Variants in BMERB1 observed in about 807,000 individuals in gnomAD.
BMERB1 encodes the protein bMERB domain containing 1.
In BMERB1, 12 loss-of-function variants were observed where a neutral mutation model predicts 23.6. The ratio of observed to expected loss-of-function variants is 0.51; its 90% CI spans 0.33 to 0.82. The LOEUF (loss-of-function observed/expected upper bound fraction) is 0.82, where lower values mean the gene tolerates loss of function less well. Among genes scored for constraint, BMERB1 ranks in the 40% least tolerant of loss-of-function variants. The probability of loss-of-function intolerance (pLI) is 0.03; values close to 1 mark genes in which losing one functional copy is unlikely to be tolerated. For missense variants in BMERB1, 247 were observed against 255.4 expected, an observed-to-expected ratio of 0.97 and a Z score of 0.22; for synonymous variants, 122 against 96.6, an observed-to-expected ratio of 1.26 and a Z score of -1.54.
intron 1 of BMERB1, among the ~76,000 whole-genome samples, chr16:15,488,375 T>C (rs2051385603): frequency 6.6e-6 from 1 of 152,134 alleles, no homozygotes; most frequent in Non-Finnish European, 1.5e-5. Flanking sequence ...GAGATGGCCT[T>C]GGGGCCATAT....
intron 1 of BMERB1, among the ~76,000 whole-genome samples, chr16:15,505,730 T>A (rs962896637): frequency 1.3e-5 from 2 of 151,554 alleles, no homozygotes; most frequent in African/African-American, 4.9e-5. Flanking sequence ...CTACTAAAAG[T>A]ACAAAAAATT....
chr16:15,578,117 CAGTAACA>C (rs1263705091), intron 3 of BMERB1, among the ~76,000 whole-genome samples: 1 of 152,216 alleles, frequency 6.6e-6, no homozygotes, highest in African/African-American at 2.4e-5. Flanking sequence ...CCTACTCTAA[CAGTAACA>C]CACACAATTC....
At chr16:15,496,535 C>G (rs561366572) in intron 1 of BMERB1, among the ~76,000 whole-genome samples, 19 of 151,666 alleles carry the variant, frequency 1.3e-4, no homozygotes, top group African/African-American at 4.4e-4. Flanking sequence ...ACCCACTTTA[C>G]AAGGGAAATT....
chr16:15,519,000 T>C (rs1303037390), intron 2 of BMERB1, among the ~76,000 whole-genome samples: 3 of 151,906 alleles, frequency 2.0e-5, no homozygotes, highest in Non-Finnish European at 4.4e-5. Flanking sequence ...TGCCTGGCAC[T>C]GAGTGTCATG....
rs57021793 is a variant in BMERB1, at chr16:15,512,012, CA to C, written c.107-3267del. ...TGGGCAACAGAGCAAGACTTGCTCT[CA>C]AAAAAAAAAAAAAAAAAAAAAAAAA... On this transcript the variant is annotated intron_variant, in intron 1 of 5. Transcript: ENST00000300006. 7.9e-4 allele frequency among the ~76,000 whole-genome samples: 48 copies of C among 61,126 alleles called. 1 individual carries two copies. The highest frequency in any genetic ancestry group is 2.2e-3 in the African/African-American group (38 of 17,168). 40.1% of individuals were successfully genotyped at this position (61,126 alleles called of 152,430 possible). A position where few individuals can be genotyped will look rare whatever the true frequency, so the allele number is the denominator to read the frequency against.
intron 2 of BMERB1, among the ~76,000 whole-genome samples, chr16:15,565,184 G>T (rs552963042): frequency 6.6e-6 from 1 of 152,262 alleles, no homozygotes; most frequent in Admixed American, 6.5e-5. Context: ...TGATGGAGAC[G>T]CTGAGGAACG....
At chr16:15,508,193 C>A (rs2051615394) in intron 1 of BMERB1, among the ~76,000 whole-genome samples, 1 of 152,122 alleles carries the variant, frequency 6.6e-6, no homozygotes, top group African/African-American at 2.4e-5. Context: ...AGGTAATGCA[C>A]AGGTGCTGGC....
chr16:15,529,171 C>CCCA (rs1367466294), intron 2 of BMERB1, among the ~76,000 whole-genome samples: 1 of 151,996 alleles, frequency 6.6e-6, no homozygotes, highest in Admixed American at 6.6e-5. Context: ...ACTACAGGCG[C>CCCA]CCACCACCAC....
At chr16:15,472,978 G>A (rs2051243020) in intron 1 of BMERB1, among the ~76,000 whole-genome samples, 2 of 150,696 alleles carry the variant, frequency 1.3e-5, no homozygotes, top group African/African-American at 4.9e-5. Context: ...TCATGCCTCA[G>A]CCTCCCAAGT....
intron 1 of BMERB1, among the ~76,000 whole-genome samples, chr16:15,490,395 G>C (rs7498370): frequency 6.6e-6 from 1 of 152,118 alleles, no homozygotes; most frequent in Admixed American, 6.5e-5. Context: ...TGATCCTCCT[G>C]CCTCAACCTT....
intron 1 of BMERB1, among the ~76,000 whole-genome samples, chr16:15,440,172 G>A (rs2050927256): frequency 6.7e-6 from 1 of 148,846 alleles, no homozygotes; most frequent in South Asian, 2.1e-4. Context: ...TTGTACTCAG[G>A]AGGCAGAGGT....
chr16:15,575,768 G>C (rs1222179093), intron 3 of BMERB1, among the ~76,000 whole-genome samples: 2 of 152,076 alleles, frequency 1.3e-5, no homozygotes, highest in Non-Finnish European at 2.9e-5. Flanking sequence ...TACACCCTAT[G>C]TAAATGAAGT....
intron 2 of BMERB1, among the ~76,000 whole-genome samples, chr16:15,542,723 C>A (rs2052098320): frequency 7.5e-6 from 1 of 132,644 alleles, no homozygotes; most frequent in Admixed American, 8.9e-5. Flanking sequence ...AATAACTGTT[C>A]AGTAAATGTT....
At chr16:15,437,372 G>A (rs2050897418) in intron 1 of BMERB1, among the ~76,000 whole-genome samples, 1 of 152,096 alleles carries the variant, frequency 6.6e-6, no homozygotes, top group Non-Finnish European at 1.5e-5. Flanking sequence ...TCTTTATTGT[G>A]TATACTAAAT....
At chr16:15,506,094 A>G (rs181751110) in intron 1 of BMERB1, among the ~76,000 whole-genome samples, 12 of 152,058 alleles carry the variant, frequency 7.9e-5, no homozygotes, top group Admixed American at 2.6e-4. Context: ...CACTGCCCCA[A>G]TTGCCCCTTA....
intron 2 of BMERB1, among the ~76,000 whole-genome samples, chr16:15,534,771 C>G (rs1054173551): frequency 6.6e-6 from 1 of 152,140 alleles, no homozygotes; most frequent in Non-Finnish European, 1.5e-5. Flanking sequence ...TCAGCTCCCT[C>G]CATTCCAAGG....
intron 2 of BMERB1, among the ~76,000 whole-genome samples, chr16:15,559,028 T>C (rs552798807): frequency 6.6e-6 from 1 of 150,898 alleles, no homozygotes; most frequent in South Asian, 2.2e-4. Context: ...TCTTAAAACT[T>C]ATATAGCTAA....
At chr16:15,471,389 C>T (rs2051227801) in intron 1 of BMERB1, among the ~76,000 whole-genome samples, 1 of 152,130 alleles carries the variant, frequency 6.6e-6, no homozygotes, top group African/African-American at 2.4e-5. Flanking sequence ...CACTCATTTT[C>T]CTTAATGGTT....
At chr16:15,509,267 G>A (rs2051629303) in intron 1 of BMERB1, among the ~76,000 whole-genome samples, 1 of 143,162 alleles carries the variant, frequency 7.0e-6, no homozygotes, top group Non-Finnish European at 1.5e-5. Flanking sequence ...AGGCACAAAT[G>A]CATTCAGCCC....
Sources: gnomAD v4.1 joint callset for allele counts (sites outside exome capture counted in the v4.1 genomes callset) on GRCh38, gnomAD v4.1.1 for gene constraint, MANE v1.5 for transcripts, NCBI Gene and HGNC (gene_info 2026-07-23, HGNC 2026-07-21) for gene names.